The following TMEM8B variants were observed in gnomAD, a reference collection of about 807,000 sequenced individuals.
TMEM8B encodes the protein nasopharyngeal carcinoma expressed 6.
TMEM8B carries 29 observed loss-of-function variants against 49.3 expected under a neutral mutation model. That is an observed-to-expected ratio of 0.59 (90% CI 0.44 to 0.80). The LOEUF (loss-of-function observed/expected upper bound fraction) is 0.80. Among genes scored for constraint, TMEM8B ranks in the 30% least tolerant of loss-of-function variants. TMEM8B has a pLI of 0.00. For synonymous variants in TMEM8B, 264 were observed against 272.8 expected (o/e 0.97, Z 0.32); for missense variants, 575 against 658.5 (o/e 0.87, Z 1.39).
At position 35,846,614 on chromosome 9, in the gene TMEM8B, G is replaced by A; in HGVS notation, c.1996+3G>A. 6.4e-7 allele frequency: 1 copy of A among 1,574,574 alleles called. No homozygotes were observed. The highest frequency in any genetic ancestry group is 8.6e-7 in the Non-Finnish European group (1 of 1,159,422). ...CGCAGCCTGCGAGTGCAAGGCCGGT[G>A]AGCAGGCTGGCGAGGGAGCGGGCTG... is the stretch of plus-strand genomic sequence containing the variant. On this transcript the variant is annotated splice_donor_region_variant and intron_variant, in intron 9 of 12. Transcript: ENST00000643932.
At chr9:35,847,178 A>T (rs1018429246) in intron 10 of TMEM8B, 183 bp downstream of exon 10, 3 of 1,592,072 alleles carry the variant, frequency 1.9e-6, no homozygotes, top group African/African-American at 2.7e-5. Context: ...TTTGTAAGAC[A>T]CATTGGAGTA....
rs1311483780 is a variant in TMEM8B at position 35,842,529 on chromosome 9, C to T, written c.1447C>T (p.Pro483Ser). The T allele has an allele frequency of 6.2e-7, 1 of 1,613,924 alleles. No homozygotes were observed. Among genetic ancestry groups the T allele is most frequent in the African/African-American group, 1.3e-5 (1 of 74,936 alleles). ...TGCGGAGGGGCCTGGGACCACGTCCCCACCCGAGCACTGCTGGCCAGTGCG... is the reference window on the plus strand; with the variant it reads ...TGCGGAGGGGCCTGGGACCACGTCCTCACCCGAGCACTGCTGGCCAGTGCG... ...TPAEGPGTTS[P>S]PEHCWPVRPT... Residue 483 changes from proline (P) to serine (S), a missense_variant, in exon 6 of 13, where the codon CCA (proline) becomes TCA (serine). Transcript: ENST00000643932. The surrounding 1 kb of genome is among the most constrained non-coding windows in gnomAD (Gnocchi z 5.6).
intron 9 of TMEM8B, 93 bp downstream of exon 9, chr9:35,846,704 C>A: frequency 1.3e-5 from 20 of 1,543,644 alleles, no homozygotes; most frequent in Non-Finnish European, 1.7e-5. Context: ...AGTGCGCAGC[C>A]TGAATTGGGG....
At chr9:35,845,725 C>A in intron 6 of TMEM8B, 1 of 985,368 alleles carries the variant, frequency 1.0e-6, no homozygotes. Context: ...ACACTTCTGC[C>A]CAAAGAACAG....
chr9:35,831,158 T>G (rs1332070625), intron 1 of TMEM8B, among the ~76,000 whole-genome samples: 1 of 152,160 alleles, frequency 6.6e-6, no homozygotes. Flanking sequence ...TGGTCACTTA[T>G]GTGTATGTGT....
intron 10 of TMEM8B, among the ~76,000 whole-genome samples, chr9:35,848,250 C>T (rs1354285892): frequency 2.0e-5 from 3 of 152,216 alleles, no homozygotes; most frequent in Non-Finnish European, 1.5e-5. Flanking sequence ...AAGCATATAC[C>T]CCAGTTTTGC....
At chr9:35,830,877 G>A (rs937490581) in intron 1 of TMEM8B, among the ~76,000 whole-genome samples, 1 of 152,226 alleles carries the variant, frequency 6.6e-6, no homozygotes, top group Admixed American at 6.5e-5. Flanking sequence ...AATGTGGGAG[G>A]AGGAGGGGGT....
At chr9:35,838,395 ACTC>A (rs1194987987) in intron 3 of TMEM8B, among the ~76,000 whole-genome samples, 1 of 149,810 alleles carries the variant, frequency 6.7e-6, no homozygotes, top group African/African-American at 2.5e-5. Context: ...CCCACTGCCC[ACTC>A]CTCTGTCTCC....
At chr9:35,847,517 C>T (rs559870397) in intron 10 of TMEM8B, among the ~76,000 whole-genome samples, 8 of 152,288 alleles carry the variant, frequency 5.3e-5, no homozygotes, top group African/African-American at 1.4e-4. Context: ...TCTGAAATGG[C>T]GTTCCCATTC....
chr9:35,853,744 C>T lies in TMEM8B; in HGVS notation c.2679C>T (p.Ala893=). The change falls in exon 13 of 13, where the codon GCC becomes GCT. Residue 893 remains alanine, a synonymous_variant. Transcript: ENST00000643932. The surrounding 1 kb of genome is among the most constrained non-coding windows in gnomAD (Gnocchi z 4.2). The stretch of plus-strand genomic sequence containing the variant: ...ACGGGGTCCCATCTGGAGCCCGGGC[C>T]CGGGGCTGTGGTTACCAGCTATGCA... ...TDHGVPSGAR[A]RGCGYQLCIN... is the part of the protein sequence containing the mutation. The T allele has an allele frequency of 6.2e-7, 1 of 1,613,076 alleles. No individual in the cohort carries two copies. The highest frequency in any genetic ancestry group is 8.5e-7 in the Non-Finnish European group (1 of 1,179,332).
chr9:35,835,784 T>C (rs1588130659), intron 3 of TMEM8B, among the ~76,000 whole-genome samples: 1 of 152,248 alleles, frequency 6.6e-6, no homozygotes, highest in East Asian at 1.9e-4. Context: ...ATCCTGGCCT[T>C]TGCCTCACTT....
intron 3 of TMEM8B, among the ~76,000 whole-genome samples, chr9:35,840,233 C>T (rs186083421): frequency 3.6e-4 from 55 of 152,232 alleles, no homozygotes; most frequent in South Asian, 6.2e-4. Context: ...CTGGGGGAGA[C>T]GTGGTTGATC....
chr9:35,847,719 A>G (rs1831746927), intron 10 of TMEM8B, among the ~76,000 whole-genome samples: 1 of 152,196 alleles, frequency 6.6e-6, no homozygotes. Flanking sequence ...TTTGATGAAG[A>G]TTAATATAGT....
chr9:35,833,943 A>G (rs935495881), intron 1 of TMEM8B, among the ~76,000 whole-genome samples: 9 of 152,092 alleles, frequency 5.9e-5, no homozygotes, highest in Non-Finnish European at 1.3e-4. Flanking sequence ...AAGAAAATCA[A>G]CAAGGAAGTT....
intron 1 of TMEM8B, chr9:35,833,289 G>A (rs1303812046): frequency 8.1e-6 from 8 of 984,906 alleles, no homozygotes; most frequent in Admixed American, 6.2e-5. Context: ...TTCCAGCCCC[G>A]GGTCTGTCCT....
At position 35,846,625 on chromosome 9, in the gene TMEM8B, C is replaced by A. The variant is rs764915384; in HGVS notation, c.1996+14C>A. The A allele has an allele frequency of 7.0e-6, 11 of 1,572,102 alleles. 1 individual carries two copies. The South Asian group carries it at 9.2e-5, about 13-fold the overall frequency. On this transcript the variant is annotated intron_variant, in intron 9 of 12. Coordinates refer to ENST00000643932, the MANE Select transcript of TMEM8B (RefSeq NM_001042590.4). ...AGTGCAAGGCCGGTGAGCAGGCTGG[C>A]GAGGGAGCGGGCTGCGGTGGACTGG...
rs1829600813 is a variant in TMEM8B at position 35,829,389 on chromosome 9, C to T, written c.-59C>T. 2 of 377,822 alleles carry T rather than the reference C, an allele frequency of 5.3e-6. No homozygotes were observed. The allele number at this position is 377,822 out of a possible 1,614,324, so 23.4% of individuals were successfully genotyped here. Reference sequence around the variant, plus strand: ...CCCCCGGGGGTGGGGAGCGGAGCCGCGGGCCAGCTCTGCGAGCGCCCCGCG... The same window carrying T: ...CCCCCGGGGGTGGGGAGCGGAGCCGTGGGCCAGCTCTGCGAGCGCCCCGCG... On this transcript the variant is annotated 5_prime_UTR_variant, in exon 1 of 13. Coordinates refer to ENST00000643932, the MANE Select transcript of TMEM8B (RefSeq NM_001042590.4).
rs768155064 is a variant in TMEM8B at position 35,857,025 on chromosome 9, G to C, written c.*3185G>C. The C allele has an allele frequency of 6.6e-6, 1 of 152,234 alleles. No individual in the cohort carries two copies. Among genetic ancestry groups the C allele is most frequent in the South Asian group, 2.1e-4 (1 of 4,828 alleles). The allele number at this position is 152,234 out of a possible 1,614,324, so 9.4% of individuals were successfully genotyped here. A position where few individuals can be genotyped will look rare whatever the true frequency, so the allele number is the denominator to read the frequency against. On this transcript the variant is annotated 3_prime_UTR_variant, in exon 13 of 13. Coordinates refer to ENST00000643932, the MANE Select transcript of TMEM8B (RefSeq NM_001042590.4). ...CCCAAGATTCAAACAGCCCTTCCTT[G>C]CCTTGAATACAGGGCTGTGGCTGGC... is the stretch of plus-strand genomic sequence containing the variant.
At position 35,857,360 on chromosome 9, in the gene TMEM8B, AAG is replaced by A. The variant is rs1164677634; in HGVS notation, c.*3525_*3526del. 1 of 152,270 alleles carries A rather than the reference AAG, an allele frequency of 6.6e-6. No homozygotes were observed. The highest frequency in any genetic ancestry group is 1.5e-5 in the Non-Finnish European group (1 of 68,058). The allele number at this position is 152,270 out of a possible 1,614,324, so 9.4% of individuals were successfully genotyped here. On this transcript the variant is annotated 3_prime_UTR_variant, in exon 13 of 13. Coordinates refer to ENST00000643932, the MANE Select transcript of TMEM8B (RefSeq NM_001042590.4). Reference sequence around the variant, plus strand: ...TCCTGACAAAGTGCTGTAGGATGTAAAGAGAGCGATCTCAAAGTGCAATGGGA... The same window carrying A: ...TCCTGACAAAGTGCTGTAGGATGTAAAGAGCGATCTCAAAGTGCAATGGGA...
Sources: gnomAD v4.1 joint callset for allele counts (sites outside exome capture counted in the v4.1 genomes callset) on GRCh38, gnomAD v4.1.1 for gene constraint, Gnocchi (gnomAD v3.1) non-coding constraint, MANE v1.5 for transcripts, NCBI Gene and HGNC (gene_info 2026-07-23, HGNC 2026-07-21) for gene names.